The following GRIK4 variants were observed in gnomAD, a reference collection of about 807,000 sequenced individuals.
GRIK4 encodes the protein glutamate ionotropic receptor kainate type subunit 4.
In GRIK4, 40 loss-of-function variants were observed where a neutral mutation model predicts 104.9. The observed-to-expected ratio is 0.38, with a 90% CI of 0.30 to 0.50. The LOEUF is 0.50. Ranked by LOEUF, GRIK4 falls within the 20% of genes least tolerant of loss-of-function variation. The probability of loss-of-function intolerance (pLI) is 0.93; values close to 1 mark genes in which losing one functional copy is unlikely to be tolerated. For synonymous variants in GRIK4, 485 were observed against 524.9 expected (o/e 0.92, Z 1.04); for missense variants, 1,047 against 1,308.1 (o/e 0.80, Z 3.08).
chr11:120,684,312 G>A (rs901650228), intron 3 of GRIK4, among the ~76,000 whole-genome samples: 1 of 152,198 alleles, frequency 6.6e-6, no homozygotes, highest in Non-Finnish European at 1.5e-5. Context: ...GACAGAGCAA[G>A]AGCCAGTTTC....
At chr11:120,634,278 C>T (rs552016684) in intron 1 of GRIK4, among the ~76,000 whole-genome samples, 1 of 152,140 alleles carries the variant, frequency 6.6e-6, no homozygotes, top group African/African-American at 2.4e-5. Context: ...AGTTGTTGAA[C>T]ATGACAGCTA....
chr11:120,594,908 C>T (rs1030016555), intron 1 of GRIK4, among the ~76,000 whole-genome samples: 4 of 152,196 alleles, frequency 2.6e-5, no homozygotes, highest in African/African-American at 9.6e-5. Flanking sequence ...TGCCTGCATG[C>T]GTCCTTCCTG....
intron 8 of GRIK4, chr11:120,858,128 C>T (rs563066402): frequency 1.3e-5 from 2 of 152,236 alleles, no homozygotes; most frequent in African/African-American, 4.8e-5. Flanking sequence ...CTGTTCCACC[C>T]GAGGGACTGT....
chr11:120,608,896 C>CT (rs1228565437), intron 1 of GRIK4, among the ~76,000 whole-genome samples: 3 of 152,144 alleles, frequency 2.0e-5, no homozygotes, highest in Non-Finnish European at 4.4e-5. Context: ...CAGCAGGAGC[C>CT]TTTTTTTCTT....
intron 2 of GRIK4, among the ~76,000 whole-genome samples, chr11:120,657,788 T>A (rs895104175): frequency 6.6e-6 from 1 of 152,222 alleles, no homozygotes; most frequent in Non-Finnish European, 1.5e-5. Context: ...ATGTTGAGTG[T>A]GTTGGGGGAG....
intron 1 of GRIK4, among the ~76,000 whole-genome samples, chr11:120,631,215 G>C (rs1010465966): frequency 6.6e-6 from 1 of 152,240 alleles, no homozygotes; most frequent in Non-Finnish European, 1.5e-5. Context: ...TCATTTCATT[G>C]TATCTCCTAG....
At chr11:120,574,931 A>T (rs1948459238) in intron 1 of GRIK4, among the ~76,000 whole-genome samples, 1 of 152,196 alleles carries the variant, frequency 6.6e-6, no homozygotes, top group East Asian at 1.9e-4. Flanking sequence ...CCCTGACCTC[A>T]AGGAATGTCT....
intron 3 of GRIK4, among the ~76,000 whole-genome samples, chr11:120,784,384 A>G (rs571655698): frequency 6.6e-6 from 1 of 152,156 alleles, no homozygotes; most frequent in African/African-American, 2.4e-5. Flanking sequence ...GGCCCTCCAG[A>G]TTTTTCTACC....
chr11:120,898,666 C>T (rs1032818478), intron 12 of GRIK4, 27 bp downstream of exon 12: 1 of 1,293,962 alleles, frequency 7.7e-7, no homozygotes, highest in Non-Finnish European at 1.1e-6. Flanking sequence ...AGGCTCCCAG[C>T]TGCAGCATCC....
At chr11:120,697,521 A>G (rs921357379) in intron 3 of GRIK4, among the ~76,000 whole-genome samples, 1 of 152,190 alleles carries the variant, frequency 6.6e-6, no homozygotes, top group Non-Finnish European at 1.5e-5. Flanking sequence ...AGGCTGAGGC[A>G]GGAGAATTGC....
intron 1 of GRIK4, among the ~76,000 whole-genome samples, chr11:120,589,786 A>G (rs1039706401): frequency 3.3e-5 from 5 of 152,096 alleles, no homozygotes; most frequent in Non-Finnish European, 5.9e-5. Flanking sequence ...CTCTTTTCAT[A>G]TATATTTAAA....
chr11:120,804,589 A>G (rs1301352564), intron 4 of GRIK4, among the ~76,000 whole-genome samples: 4 of 152,188 alleles, frequency 2.6e-5, no homozygotes, highest in Non-Finnish European at 4.4e-5. Context: ...CTGTTTATTC[A>G]TTCAGAAACT....
intron 1 of GRIK4, among the ~76,000 whole-genome samples, chr11:120,517,785 C>A (rs1243420464): frequency 6.6e-6 from 1 of 152,096 alleles, no homozygotes; most frequent in Non-Finnish European, 1.5e-5. Flanking sequence ...AAGGGGCCGG[C>A]CCCTAGCACA....
chr11:120,697,254 C>T (rs564550138), intron 3 of GRIK4, among the ~76,000 whole-genome samples: 1 of 152,326 alleles, frequency 6.6e-6, no homozygotes, highest in South Asian at 2.1e-4. Context: ...AGACAGTCCT[C>T]AGCATCAGCT....
At chr11:120,933,930 C>A (rs1415065869) in intron 13 of GRIK4, among the ~76,000 whole-genome samples, 1 of 152,078 alleles carries the variant, frequency 6.6e-6, no homozygotes, top group Admixed American at 6.5e-5. Context: ...CATAGCCAGG[C>A]GCGGTGGCTC....
At chr11:120,526,428 G>T (rs1947857354) in intron 1 of GRIK4, among the ~76,000 whole-genome samples, 1 of 152,100 alleles carries the variant, frequency 6.6e-6, no homozygotes, top group Admixed American at 6.5e-5. Context: ...GAACTTCTGG[G>T]CTCAAGCGAT....
intron 5 of GRIK4, among the ~76,000 whole-genome samples, chr11:120,817,528 T>TTGCTTTAAA (rs769631698): frequency 7.5e-4 from 103 of 137,886 alleles, no homozygotes; most frequent in South Asian, 1.7e-3. Context: ...CAGGAGTCCA[T>TTGCTTTAAA]TGCTTTAAAT....
chr11:120,667,775 T>A (rs1360204549), intron 3 of GRIK4, among the ~76,000 whole-genome samples: 1 of 152,210 alleles, frequency 6.6e-6, no homozygotes, highest in Non-Finnish European at 1.5e-5. Context: ...GAGAGGACAC[T>A]GACCAGTCAG....
intron 8 of GRIK4, among the ~76,000 whole-genome samples, chr11:120,843,689 T>A (rs959772222): frequency 1.2e-4 from 7 of 60,574 alleles, no homozygotes; most frequent in African/African-American, 4.2e-4. Context: ...CTATTTTACC[T>A]TGCTGGGCTT....
Sources: allele counts gnomAD v4.1 joint callset (sites outside exome capture counted in the v4.1 genomes callset), GRCh38; gene constraint gnomAD v4.1.1; transcripts MANE v1.5; gene names NCBI Gene and HGNC (gene_info 2026-07-23, HGNC 2026-07-21).